Variants in ERC1 observed in about 807,000 individuals in gnomAD.
ERC1 encodes RAB6 interacting protein 2.
Under a neutral mutation model 132.0 loss-of-function variants are expected in ERC1, and 56 were observed. That is an observed-to-expected ratio of 0.42 (90% CI 0.34 to 0.53). ERC1 has a LOEUF of 0.53. Ranked by LOEUF, ERC1 falls within the 20% of genes least tolerant of loss-of-function variation. The pLI is 0.03. For missense variants in ERC1, 1,202 were observed against 1,349.9 expected (o/e 0.89, Z 1.72); for synonymous variants, 478 against 476.1 (o/e 1.00, Z -0.05).
chr12:1,488,689 T>G (rs1435119068), intron 18 of ERC1, among the ~76,000 whole-genome samples: 2 of 152,184 alleles, frequency 1.3e-5, no homozygotes, highest in Non-Finnish European at 2.9e-5. Context: ...AACTAGACTT[T>G]ATATTCCATT....
chr12:1,025,911 C>T (rs1261384828), intron 1 of ERC1, among the ~76,000 whole-genome samples: 3 of 151,106 alleles, frequency 2.0e-5, no homozygotes, highest in Non-Finnish European at 4.4e-5. Context: ...CTTCTTATGC[C>T]TCAGCCTCCT....
chr12:1,213,414 T>C (rs1447584791), intron 12 of ERC1, among the ~76,000 whole-genome samples: 2 of 152,084 alleles, frequency 1.3e-5, no homozygotes, highest in African/African-American at 2.4e-5. Context: ...AGAAATACTG[T>C]TGTAGAGTCG....
intron 7 of ERC1, among the ~76,000 whole-genome samples, chr12:1,123,732 C>T (rs893282097): frequency 3.9e-5 from 6 of 152,324 alleles, no homozygotes; most frequent in African/African-American, 7.2e-5. Flanking sequence ...CGGCAGCCCA[C>T]GCCTGTAATC....
At chr12:1,225,449 TACACACACACAC>T (rs67132193) in intron 12 of ERC1, among the ~76,000 whole-genome samples, 26 of 131,758 alleles carry the variant, frequency 2.0e-4, no homozygotes, top group South Asian at 7.6e-4. Flanking sequence ...GGCTGTCTCT[TACACACACACAC>T]ACACACACAC....
chr12:1,405,572 A>G (rs538046795), intron 16 of ERC1, among the ~76,000 whole-genome samples: 20 of 152,050 alleles, frequency 1.3e-4, no homozygotes, highest in South Asian at 8.3e-4. Context: ...GCGTGGTGGC[A>G]GGCGCCTGTA....
At chr12:1,465,065 A>G (rs2093717890) in intron 18 of ERC1, among the ~76,000 whole-genome samples, 1 of 152,116 alleles carries the variant, frequency 6.6e-6, no homozygotes, top group Non-Finnish European at 1.5e-5. Flanking sequence ...TCCTGCAGGA[A>G]GAATTATTTA....
chr12:1,460,915 C>A lies in ERC1; in HGVS notation c.3213+16165C>A, dbSNP rs149940624. Among the ~76,000 whole-genome samples, 482 of 137,056 alleles carry A rather than the reference C, an allele frequency of 3.5e-3. 3 individuals carry two copies. Among genetic ancestry groups the A allele is most frequent in the African/African-American group, 0.012 (453 of 36,410 alleles). 89.9% of individuals were successfully genotyped at this position (137,056 alleles called of 152,430 possible). A position where few individuals can be genotyped will look rare whatever the true frequency, so the allele number is the denominator to read the frequency against. On this transcript the variant is annotated intron_variant, in intron 18 of 18. Transcript: ENST00000360905. ...AAAATGAACAATTGTTTTGAAAAGG[C>A]AGTTTTCATAGGATAAAGACTTGCC...
chr12:1,070,021 T>C (rs1940033665), intron 2 of ERC1, among the ~76,000 whole-genome samples: 1 of 152,146 alleles, frequency 6.6e-6, no homozygotes, highest in African/African-American at 2.4e-5. Context: ...GCAAATGACA[T>C]CATTTATGTG....
chr12:1,276,382 C>T (rs757202223), intron 14 of ERC1, among the ~76,000 whole-genome samples: 24 of 151,854 alleles, frequency 1.6e-4, no homozygotes, highest in Non-Finnish European at 2.6e-4. Context: ...GGATTACAGG[C>T]GCCCGCCACC....
intron 16 of ERC1, among the ~76,000 whole-genome samples, chr12:1,407,142 C>T (rs1189098274): frequency 6.6e-6 from 1 of 152,226 alleles, no homozygotes; most frequent in South Asian, 2.1e-4. Context: ...ATCCAGTCTT[C>T]CTTTTTGATA....
intron 18 of ERC1, among the ~76,000 whole-genome samples, chr12:1,476,994 A>G (rs1335609514): frequency 6.6e-6 from 1 of 152,226 alleles, no homozygotes; most frequent in African/African-American, 2.4e-5. Context: ...AATTCAGTAA[A>G]TAGTATGAAC....
intron 2 of ERC1, 93 bp from the exon 3 acceptor site, chr12:1,083,071 T>G: frequency 9.4e-7 from 1 of 1,059,408 alleles, no homozygotes; most frequent in Non-Finnish European, 1.4e-6. Flanking sequence ...GATGCAGATT[T>G]CTTGTAGCTA....
At position 1,276,918 on chromosome 12, in the gene ERC1, G is replaced by A. The variant is rs116541623; in HGVS notation, c.2620-12934G>A. On this transcript the variant is annotated intron_variant, in intron 14 of 18. Transcript: ENST00000360905. The stretch of plus-strand genomic sequence containing the variant: ...GAAATGTTTTCTTTGTTGCAATTGC[G>A]TTTCCACTGGATTTGATAAACTACT... Among the ~76,000 whole-genome samples, 470 of 151,202 alleles carry A rather than the reference G, an allele frequency of 3.1e-3. 1 individual carries two copies. Among genetic ancestry groups the A allele is most frequent in the Non-Finnish European group, 3.8e-3 (254 of 67,338 alleles).
At chr12:1,366,381 A>G (rs1176549652) in intron 15 of ERC1, among the ~76,000 whole-genome samples, 2 of 152,244 alleles carry the variant, frequency 1.3e-5, no homozygotes, top group African/African-American at 4.8e-5. Context: ...ATGCCTGTTA[A>G]TATCATCCAA....
chr12:1,372,807 A>T (rs1233281686), intron 16 of ERC1, among the ~76,000 whole-genome samples: 1 of 152,222 alleles, frequency 6.6e-6, no homozygotes, highest in Non-Finnish European at 1.5e-5. Flanking sequence ...TCAAGTAATG[A>T]GACCGAGAAA....
chr12:1,428,956 A>T (rs927161748), intron 17 of ERC1, among the ~76,000 whole-genome samples: 1 of 152,216 alleles, frequency 6.6e-6, no homozygotes. Context: ...GGGTAGCTGC[A>T]CTGTATCCCT....
chr12:1,279,246 A>G (rs1247595123), intron 14 of ERC1, among the ~76,000 whole-genome samples: 1 of 152,236 alleles, frequency 6.6e-6, no homozygotes, highest in African/African-American at 2.4e-5. Flanking sequence ...GGGTCAGTAG[A>G]TAACTACTAA....
chr12:1,036,990 G>A (rs1420753040), intron 2 of ERC1, among the ~76,000 whole-genome samples: 1 of 152,170 alleles, frequency 6.6e-6, no homozygotes, highest in Non-Finnish European at 1.5e-5. Context: ...TACATGTATG[G>A]CTTACAGAAA....
At chr12:996,114 A>T in intron 1 of ERC1, among the ~76,000 whole-genome samples, 1 of 146,398 alleles carries the variant, frequency 6.8e-6, no homozygotes, top group Non-Finnish European at 1.5e-5. Context: ...TTTGAGATGG[A>T]GTCTCTCTTT....
Sources: allele counts gnomAD v4.1 joint callset (sites outside exome capture counted in the v4.1 genomes callset), GRCh38; gene constraint gnomAD v4.1.1; transcripts MANE v1.5; gene names NCBI Gene and HGNC (gene_info 2026-07-23, HGNC 2026-07-21).